NCEH1: variants seen among roughly 807,000 people sequenced by gnomAD.
NCEH1 encodes the protein neutral cholesterol ester hydrolase 1.
In NCEH1, 9 loss-of-function variants were observed where a neutral mutation model predicts 25.4. That is an observed-to-expected ratio of 0.35 (90% CI 0.21 to 0.62). The LOEUF (loss-of-function observed/expected upper bound fraction) is 0.62. Ranked by LOEUF, NCEH1 falls within the 20% of genes least tolerant of loss-of-function variation. The pLI is 0.72. For synonymous variants in NCEH1, 200 were observed against 199.8 expected, an observed-to-expected ratio of 1.00 and a Z score of -0.01; for missense variants, 412 against 501.1, an observed-to-expected ratio of 0.82 and a Z score of 1.70.
intron 1 of NCEH1, among the ~76,000 whole-genome samples, chr3:172,691,504 C>T (rs1713035909): frequency 6.6e-6 from 1 of 152,300 alleles, no homozygotes; most frequent in Non-Finnish European, 1.5e-5. Context: ...TACTTTGTGC[C>T]AGGTACTTTT....
rs896625263 is a variant in NCEH1 at position 172,633,315 on chromosome 3, A to G, written c.*160T>C. 39 of 733,264 alleles carry G rather than the reference A, an allele frequency of 5.3e-5. No individual in the cohort carries two copies. The highest frequency in any genetic ancestry group is 8.7e-5 in the Non-Finnish European group (39 of 450,370). 45.4% of individuals were successfully genotyped at this position (733,264 alleles called of 1,614,324 possible). ...TAAGTTAGTCAAATTCATTTTTAAA[A>G]ATTAGGTTATCATAAAGACTTCAGT... On this transcript the variant is annotated 3_prime_UTR_variant, in exon 5 of 5. Coordinates refer to ENST00000475381, the MANE Select transcript of NCEH1 (RefSeq NM_020792.6).
Position 172,636,034 on chromosome 3 carries a change from C to T in NCEH1, c.491G>A (p.Arg164Gln), listed in dbSNP as rs749393874. The T allele has an allele frequency of 1.2e-5, 19 of 1,613,876 alleles. No individual in the cohort carries two copies. The highest frequency in any genetic ancestry group is 1.5e-5 in the Non-Finnish European group (18 of 1,179,980). The change falls in exon 4 of 5, where the codon CGG becomes CAG. Residue 164 changes from arginine (R) to glutamine (Q), a missense_variant. Physicochemically the swap from Arg to Gln is conservative, Grantham distance 43 (BLOSUM62 1). Around this residue, in one of 3 missense-constraint regions of NCEH1, gnomAD observed 24 missense variants for 53.8 expected, o/e 0.45. Transcript: ENST00000475381. ...YFPEQIHDVVRATKYFLKPEV... is the reference protein window; with the variant it reads ...YFPEQIHDVVQATKYFLKPEV... Reference sequence around the variant, plus strand: ...TGGCTTCAGGAAATACTTTGTGGCCCGTACAACATCATGAATTTGCTCAGG... The same window carrying T: ...TGGCTTCAGGAAATACTTTGTGGCCTGTACAACATCATGAATTTGCTCAGG...
At chr3:172,664,318 C>T (rs1718103584) in intron 1 of NCEH1, among the ~76,000 whole-genome samples, 1 of 152,228 alleles carries the variant, frequency 6.6e-6, no homozygotes, top group Non-Finnish European at 1.5e-5. Context: ...AGAGTTTCTG[C>T]AGAGAGATCC....
At chr3:172,668,775 C>T (rs752252176) in intron 1 of NCEH1, among the ~76,000 whole-genome samples, 2 of 152,120 alleles carry the variant, frequency 1.3e-5, no homozygotes, top group Non-Finnish European at 2.9e-5. Context: ...AAACATAAAA[C>T]TCTAATTGAT....
At chr3:172,641,658 A>C (rs773187110) in intron 3 of NCEH1, among the ~76,000 whole-genome samples, 2 of 152,132 alleles carry the variant, frequency 1.3e-5, no homozygotes, top group Non-Finnish European at 2.9e-5. Flanking sequence ...CCATCCTCCT[A>C]AAGACTCTTG....
At chr3:172,680,352 G>A (rs528032730) in intron 1 of NCEH1, among the ~76,000 whole-genome samples, 96 of 152,204 alleles carry the variant, frequency 6.3e-4, no homozygotes, top group Non-Finnish European at 1.1e-3. Context: ...TCCCTCCCCT[G>A]AACTCCTCCT....
At chr3:172,671,276 T>C (rs1711604579) in intron 1 of NCEH1, among the ~76,000 whole-genome samples, 1 of 152,154 alleles carries the variant, frequency 6.6e-6, no homozygotes. Context: ...TTTATGGAGA[T>C]GGAAAGATCA....
chr3:172,660,448 G>A (rs1260048121), intron 1 of NCEH1, among the ~76,000 whole-genome samples: 1 of 152,122 alleles, frequency 6.6e-6, no homozygotes, highest in Non-Finnish European at 1.5e-5. Flanking sequence ...ATGTGCATGT[G>A]TCTTTATAGT....
intron 1 of NCEH1, among the ~76,000 whole-genome samples, chr3:172,665,811 T>C (rs1024634082): frequency 1.3e-5 from 2 of 152,362 alleles, no homozygotes; most frequent in South Asian, 4.1e-4. Context: ...TATAATCTCC[T>C]GGTCTGCCAT....
intron 1 of NCEH1, among the ~76,000 whole-genome samples, chr3:172,694,251 G>T (rs1026392890): frequency 5.9e-5 from 9 of 152,168 alleles, no homozygotes; most frequent in Admixed American, 1.3e-4. Flanking sequence ...CTATTAATCT[G>T]ATGAGAACCT....
chr3:172,692,382 G>A (rs1394076299), intron 1 of NCEH1, among the ~76,000 whole-genome samples: 1 of 151,986 alleles, frequency 6.6e-6, no homozygotes, highest in Non-Finnish European at 1.5e-5. Flanking sequence ...TTTGAGACAG[G>A]GTCTGGCTCT....
rs150273174 is a variant in NCEH1 at position 172,670,436 on chromosome 3, A to G, written c.139-22322T>C. Among the ~76,000 whole-genome samples, 563 of 152,338 alleles carry G rather than the reference A, an allele frequency of 3.7e-3. 3 individuals carry two copies. Among genetic ancestry groups the G allele is most frequent in the African/African-American group, 0.013 (551 of 41,572 alleles). ...TATCACAGAACCATTGAATGTTGGA[A>G]TCAGAAGCATGTTTGGGATATCATC... On this transcript the variant is annotated intron_variant, in intron 1 of 4. Transcript: ENST00000475381.
chr3:172,701,373 A>G (rs1322487318), intron 1 of NCEH1, among the ~76,000 whole-genome samples: 1 of 151,320 alleles, frequency 6.6e-6, no homozygotes, highest in African/African-American at 2.4e-5. Context: ...AACTCTGATC[A>G]GCTTTCCTCC....
At position 172,653,752 on chromosome 3, in the gene NCEH1, G is replaced by GGTT. The variant is rs1553830342; in HGVS notation, c.139-5639_139-5638insAAC. On this transcript the variant is annotated intron_variant, in intron 1 of 4. Transcript: ENST00000475381. The stretch of plus-strand genomic sequence containing the variant: ...GTTGTTCTGTTTTTTTTGTTTTTTT[G>GGTT]TTTTTTTGTTTTTTTTTTTTTTTGA... Among the ~76,000 whole-genome samples the GGTT allele has an allele frequency of 8.9e-3, 747 of 83,762 alleles. 16 individuals are homozygous for GGTT. Among genetic ancestry groups the GGTT allele is most frequent in the Non-Finnish European group, 0.016 (559 of 35,976 alleles). The allele number at this position is 83,762 out of a possible 152,430, so 55.0% of individuals were successfully genotyped here.
At chr3:172,698,231 C>A (rs1713484518) in intron 1 of NCEH1, among the ~76,000 whole-genome samples, 1 of 152,122 alleles carries the variant, frequency 6.6e-6, no homozygotes, top group African/African-American at 2.4e-5. Flanking sequence ...CCTGCCTCAG[C>A]CTCTCAAAGT....
At chr3:172,639,611 C>T (rs189181308) in intron 3 of NCEH1, among the ~76,000 whole-genome samples, 168 of 152,186 alleles carry the variant, frequency 1.1e-3, no homozygotes, top group African/African-American at 3.3e-3. Flanking sequence ...GCACCTGATA[C>T]GTAAATATCA....
chr3:172,679,090 A>G (rs1370389707), intron 1 of NCEH1, among the ~76,000 whole-genome samples: 1 of 152,228 alleles, frequency 6.6e-6, no homozygotes, highest in African/African-American at 2.4e-5. Context: ...CTAGCAACTT[A>G]GAACTTTTAA....
At chr3:172,661,762 G>A (rs770098815) in intron 1 of NCEH1, among the ~76,000 whole-genome samples, 17 of 151,642 alleles carry the variant, frequency 1.1e-4, no homozygotes, top group Admixed American at 1.1e-3. Context: ...CTCATGATTT[G>A]CCTCTCTGTT....
chr3:172,685,442 G>T (rs1243545740), intron 1 of NCEH1, among the ~76,000 whole-genome samples: 1 of 152,134 alleles, frequency 6.6e-6, no homozygotes, highest in African/African-American at 2.4e-5. Flanking sequence ...GGATGCAAAT[G>T]AAGTCGTATA....
Sources: allele counts gnomAD v4.1 joint callset (sites outside exome capture counted in the v4.1 genomes callset), GRCh38; gene constraint gnomAD v4.1.1; regional missense constraint gnomAD v4.1.1; transcripts MANE v1.5; gene names NCBI Gene and HGNC (gene_info 2026-07-23, HGNC 2026-07-21).